Variants in ADAM32 observed in about 807,000 individuals in gnomAD.
The protein encoded by ADAM32 is ADAM metallopeptidase domain 32, also known as disintegrin and metalloproteinase domain-containing protein 32.
Under a neutral mutation model 114.9 loss-of-function variants are expected in ADAM32, and 89 were observed. The ratio of observed to expected loss-of-function variants is 0.77; its 90% CI spans 0.65 to 0.92. ADAM32 has a LOEUF of 0.92. Ranked by LOEUF, ADAM32 falls within the 40% of genes least tolerant of loss-of-function variation. The probability of loss-of-function intolerance (pLI) is 0.00; values close to 1 mark genes in which losing one functional copy is unlikely to be tolerated. For missense variants in ADAM32, 870 were observed against 932.8 expected, an observed-to-expected ratio of 0.93 and a Z score of 0.88; for synonymous variants, 285 against 307.5, an observed-to-expected ratio of 0.93 and a Z score of 0.77.
At chr8:39,245,961 C>A in intron 16 of ADAM32, 122 bp from the exon 17 acceptor site, 1 of 769,772 alleles carries the variant, frequency 1.3e-6, no homozygotes, top group Non-Finnish European at 2.2e-6. Flanking sequence ...AAAAGCAGTA[C>A]TTAGAGGAAA....
At chr8:39,234,872 G>T (rs1810014836) in intron 16 of ADAM32, among the ~76,000 whole-genome samples, 1 of 152,216 alleles carries the variant, frequency 6.6e-6, no homozygotes, top group African/African-American at 2.4e-5. Flanking sequence ...CTTCCTGGGG[G>T]ACTGGGCTCT....
chr8:39,155,924 A>G (rs912619226), intron 6 of ADAM32, among the ~76,000 whole-genome samples: 7 of 152,096 alleles, frequency 4.6e-5, no homozygotes, highest in Non-Finnish European at 1.0e-4. Flanking sequence ...ATTAATACCA[A>G]CTTAGCCTCT....
At chr8:39,269,719 C>A (rs1275688952) in intron 19 of ADAM32, among the ~76,000 whole-genome samples, 1 of 152,166 alleles carries the variant, frequency 6.6e-6, no homozygotes, top group Admixed American at 6.5e-5. Flanking sequence ...ATGGTAGACT[C>A]TTTTATCTTC....
At chr8:39,284,423 A>G (rs1476125115) in intron 24 of ADAM32, among the ~76,000 whole-genome samples, 1 of 152,006 alleles carries the variant, frequency 6.6e-6, no homozygotes, top group Non-Finnish European at 1.5e-5. Flanking sequence ...ACACACACAC[A>G]CGGAGTAATT....
Position 39,281,139 on chromosome 8 carries a change from C to CA in ADAM32, c.2286dup (p.Ser763IlefsTer4). 1.5e-6 allele frequency: 2 copies of CA among 1,334,276 alleles called. No homozygotes were observed. Among genetic ancestry groups the CA allele is most frequent in the Non-Finnish European group, 2.0e-6 (2 of 1,020,510 alleles). 82.7% of individuals were successfully genotyped at this position (1,334,276 alleles called of 1,614,324 possible). ...ATTGTTTTTAATTTATTTTTAGATCCAAATCAGAAGATAGTGCTGAAGCAT... is the reference window on the plus strand; with the variant it reads ...ATTGTTTTTAATTTATTTTTAGATCCAAAATCAGAAGATAGTGCTGAAGCAT... On this transcript the variant is annotated frameshift_variant, in exon 23 of 25. Coordinates refer to ENST00000379907, the MANE Select transcript of ADAM32 (RefSeq NM_145004.7). LOFTEE classifies it high-confidence loss of function.
intron 3 of ADAM32, among the ~76,000 whole-genome samples, chr8:39,139,780 A>G (rs572800244): frequency 4.6e-5 from 7 of 152,256 alleles, no homozygotes; most frequent in African/African-American, 1.4e-4. Context: ...GGCCATTTTC[A>G]TGATATTGAT....
chr8:39,224,452 T>G (rs139501203), intron 14 of ADAM32, among the ~76,000 whole-genome samples: 1 of 152,344 alleles, frequency 6.6e-6, no homozygotes, highest in East Asian at 1.9e-4. Context: ...TTTATCTTTT[T>G]GACAATAATC....
chr8:39,137,158 C>T (rs1043140311), intron 3 of ADAM32, among the ~76,000 whole-genome samples: 2 of 152,152 alleles, frequency 1.3e-5, no homozygotes, highest in Non-Finnish European at 2.9e-5. Context: ...AGCTATATGC[C>T]ACTCTTCAGA....
At chr8:39,272,365 G>A (rs1425921980) in intron 20 of ADAM32, among the ~76,000 whole-genome samples, 1 of 152,014 alleles carries the variant, frequency 6.6e-6, no homozygotes, top group Non-Finnish European at 1.5e-5. Flanking sequence ...TTAACACAAA[G>A]ATACATTCTG....
At chr8:39,123,464 A>T (rs1801910452) in intron 2 of ADAM32, among the ~76,000 whole-genome samples, 1 of 152,174 alleles carries the variant, frequency 6.6e-6, no homozygotes, top group African/African-American at 2.4e-5. Flanking sequence ...GTCGGGGGGC[A>T]CAATTCAATC....
intron 19 of ADAM32, among the ~76,000 whole-genome samples, chr8:39,267,269 A>G (rs1337701513): frequency 1.3e-5 from 2 of 152,198 alleles, no homozygotes; most frequent in East Asian, 1.9e-4. Flanking sequence ...CCAGACTACT[A>G]CTAATCTGCT....
At chr8:39,176,718 T>C (rs1021728779) in intron 10 of ADAM32, among the ~76,000 whole-genome samples, 2 of 152,200 alleles carry the variant, frequency 1.3e-5, no homozygotes, top group African/African-American at 4.8e-5. Context: ...GATCCAGAGC[T>C]GAGTTCAAGT....
chr8:39,275,881 G>A lies in ADAM32; in HGVS notation c.2279+15G>A, dbSNP rs1332251060. 1 of 1,542,538 alleles carries A rather than the reference G, an allele frequency of 6.5e-7. No homozygotes were observed. On this transcript the variant is annotated intron_variant, in intron 22 of 24. Coordinates refer to ENST00000379907, the MANE Select transcript of ADAM32 (RefSeq NM_145004.7). ...GATACTAGCAAGTAAGTGAATTAGG[G>A]GGCATTTTTTTTATATAATAAGTAT...
intron 10 of ADAM32, among the ~76,000 whole-genome samples, chr8:39,171,617 C>T (rs1458918736): frequency 3.3e-5 from 5 of 152,100 alleles, no homozygotes; most frequent in South Asian, 2.1e-4. Context: ...GTAAAACTGT[C>T]TACCTCTTCA....
At chr8:39,222,436 T>C (rs1028239562) in intron 13 of ADAM32, among the ~76,000 whole-genome samples, 6 of 152,040 alleles carry the variant, frequency 3.9e-5, no homozygotes, top group Non-Finnish European at 8.8e-5. Flanking sequence ...AAGTCATCAA[T>C]TAAGAATTAT....
At chr8:39,246,932 C>T (rs1182138111) in intron 17 of ADAM32, among the ~76,000 whole-genome samples, 1 of 152,156 alleles carries the variant, frequency 6.6e-6, no homozygotes, top group Non-Finnish European at 1.5e-5. Flanking sequence ...TCCAGAATGT[C>T]ATTTCATTGA....
chr8:39,139,655 C>A (rs549458109), intron 3 of ADAM32, among the ~76,000 whole-genome samples: 1 of 152,096 alleles, frequency 6.6e-6, no homozygotes, highest in Admixed American at 6.6e-5. Context: ...CTTGGCAATG[C>A]GGGCTCTTTT....
chr8:39,237,385 T>C (rs1167454912), intron 16 of ADAM32, among the ~76,000 whole-genome samples: 2 of 148,960 alleles, frequency 1.3e-5, no homozygotes, highest in South Asian at 2.2e-4. Flanking sequence ...GAACAAGAAG[T>C]GCAAATATGA....
At chr8:39,172,555 C>G (rs1805265449) in intron 10 of ADAM32, among the ~76,000 whole-genome samples, 1 of 152,136 alleles carries the variant, frequency 6.6e-6, no homozygotes, top group Admixed American at 6.5e-5. Context: ...TGTTCAGCTC[C>G]CACTTATAAG....
Sources: allele counts gnomAD v4.1 joint callset (sites outside exome capture counted in the v4.1 genomes callset), GRCh38; gene constraint gnomAD v4.1.1; transcripts MANE v1.5; gene names NCBI Gene and HGNC (gene_info 2026-07-23, HGNC 2026-07-21).